PTPRG: variants seen among roughly 807,000 people sequenced by gnomAD.
PTPRG encodes receptor-type tyrosine-protein phosphatase gamma.
A neutral mutation model predicts 165.3 loss-of-function variants in PTPRG; 102 were observed. That is an observed-to-expected ratio of 0.62 (90% confidence interval 0.53 to 0.73). The LOEUF is 0.73. Among genes scored for constraint, PTPRG ranks in the 30% least tolerant of loss-of-function variants. The pLI is 0.00. For synonymous variants in PTPRG, 675 were observed against 669.5 expected (o/e 1.01, Z -0.13); for missense variants, 1,866 against 1,861.4 (o/e 1.00, Z -0.05).
intron 5 of PTPRG, among the ~76,000 whole-genome samples, chr3:62,097,903 C>T (rs1443133650): frequency 6.6e-6 from 1 of 152,038 alleles, no homozygotes; most frequent in Non-Finnish European, 1.5e-5. Flanking sequence ...TTTAAATGCA[C>T]ATTATGATGT....
At chr3:61,736,701 A>C (rs4688662) in intron 1 of PTPRG, among the ~76,000 whole-genome samples, 26,921 of 152,062 alleles carry the variant, frequency 0.18, 3,077 homozygotes, top group East Asian at 0.53. Flanking sequence ...CTTAACAATG[A>C]TTCGTCTTGA....
Position 62,267,824 on chromosome 3 carries a change from G to C in PTPRG, c.2874+5G>C. On this transcript the variant is annotated splice_donor_5th_base_variant and intron_variant, in intron 19 of 29. Transcript: ENST00000474889. The stretch of plus-strand genomic sequence containing the variant: ...AACCTTGTGGAAAAAGGAAGAGTAA[G>C]AGCCTTTTGACTCACTATCTTAATA... 6.2e-7 allele frequency: 1 copy of C among 1,611,744 alleles called. No homozygotes were observed. Among genetic ancestry groups the C allele is most frequent in the East Asian group, 2.2e-5 (1 of 44,836 alleles).
chr3:61,728,111 G>T (rs2032336791), intron 1 of PTPRG, among the ~76,000 whole-genome samples: 1 of 152,132 alleles, frequency 6.6e-6, no homozygotes, highest in Non-Finnish European at 1.5e-5. Flanking sequence ...TGCCTAGCGT[G>T]CTGGCAAAGA....
At chr3:61,893,664 T>G (rs1290111486) in intron 2 of PTPRG, among the ~76,000 whole-genome samples, 1 of 152,220 alleles carries the variant, frequency 6.6e-6, no homozygotes, top group Admixed American at 6.5e-5. Flanking sequence ...AACATTTTCT[T>G]CTAAACCATG....
intron 4 of PTPRG, among the ~76,000 whole-genome samples, chr3:62,066,132 C>A (rs1453937766): frequency 6.6e-6 from 1 of 152,188 alleles, no homozygotes; most frequent in Non-Finnish European, 1.5e-5. Flanking sequence ...CCAACTAGAT[C>A]TACACCTGTG....
At chr3:61,798,627 T>TTTG (rs1401408560) in intron 2 of PTPRG, among the ~76,000 whole-genome samples, 1 of 151,608 alleles carries the variant, frequency 6.6e-6, no homozygotes. Flanking sequence ...TGGTTTTTTT[T>TTTG]TTTTTTTTTT....
intron 28 of PTPRG, among the ~76,000 whole-genome samples, chr3:62,284,509 G>A (rs557783120): frequency 6.6e-6 from 1 of 152,240 alleles, no homozygotes; most frequent in Admixed American, 6.5e-5. Flanking sequence ...TCTACTATCT[G>A]TAGGGGATAA....
chr3:62,091,166 A>G (rs79317000), intron 5 of PTPRG, among the ~76,000 whole-genome samples: 5,238 of 152,374 alleles, frequency 0.034, 112 homozygotes, highest in Non-Finnish European at 0.055. Flanking sequence ...GTCCCAGGAC[A>G]TATATCGCTT....
In PTPRG at chr3:62,164,979, G is replaced by A. The variant is rs557997038; in HGVS notation, c.841-2992G>A. 1.7e-3 allele frequency among the ~76,000 whole-genome samples: 261 copies of A among 152,318 alleles called. 1 individual carries two copies. The highest frequency in any genetic ancestry group is 5.5e-3 in the African/African-American group (230 of 41,568). On this transcript the variant is annotated intron_variant, in intron 7 of 29. Coordinates refer to ENST00000474889, the MANE Select transcript of PTPRG (RefSeq NM_002841.4). The stretch of plus-strand genomic sequence containing the variant: ...GAAAATTTCCGGTCTAATTCACGAT[G>A]TATGGCAGCCCAGTCCATTTCTCTA...
chr3:62,270,188 A>AT (rs901122029), intron 20 of PTPRG, among the ~76,000 whole-genome samples: 64 of 147,084 alleles, frequency 4.4e-4, no homozygotes, highest in South Asian at 1.3e-3. Context: ...CAATGGGATA[A>AT]TTTTTTTTTT....
chr3:61,722,281 G>T (rs2032083325), intron 1 of PTPRG, among the ~76,000 whole-genome samples: 1 of 151,852 alleles, frequency 6.6e-6, no homozygotes, highest in Non-Finnish European at 1.5e-5. Flanking sequence ...TGTTTATAAT[G>T]AACTCTCTCC....
intron 2 of PTPRG, among the ~76,000 whole-genome samples, chr3:61,827,231 A>T (rs1269670766): frequency 6.6e-6 from 1 of 152,238 alleles, no homozygotes; most frequent in Non-Finnish European, 1.5e-5. Flanking sequence ...GCAAGAAAAC[A>T]TCTTGCTGTT....
intron 1 of PTPRG, among the ~76,000 whole-genome samples, chr3:61,681,388 C>G (rs961357291): frequency 1.3e-5 from 2 of 152,162 alleles, no homozygotes; most frequent in African/African-American, 4.8e-5. Context: ...CTGCAATCTG[C>G]ATTTTTAATT....
intron 2 of PTPRG, among the ~76,000 whole-genome samples, chr3:61,955,287 C>CT (rs976057620): frequency 1.1e-4 from 16 of 151,706 alleles, no homozygotes; most frequent in East Asian, 1.9e-4. Context: ...TGAATGGCCA[C>CT]TTTTTTTTTC....
intron 14 of PTPRG, among the ~76,000 whole-genome samples, chr3:62,243,199 T>TA (rs1045201029): frequency 3.0e-4 from 46 of 151,224 alleles, no homozygotes; most frequent in East Asian, 2.3e-3. Context: ...GAAATACAGG[T>TA]AAAAAAAACA....
intron 3 of PTPRG, among the ~76,000 whole-genome samples, chr3:61,992,790 G>A (rs919350786): frequency 6.6e-6 from 1 of 151,704 alleles, no homozygotes; most frequent in African/African-American, 2.4e-5. Context: ...CCAAAGTGCT[G>A]GGATTACAGG....
Position 61,891,976 on chromosome 3 carries a change from A to G in PTPRG, c.191-97649A>G, listed in dbSNP as rs929466988. Among the ~76,000 whole-genome samples the G allele has an allele frequency of 2.0e-5, 3 of 152,130 alleles. No homozygotes were observed. The East Asian group carries it at 5.8e-4, about 29-fold the overall frequency. On this transcript the variant is annotated intron_variant, in intron 2 of 29. Transcript: ENST00000474889. The stretch of plus-strand genomic sequence containing the variant: ...GTAAATAAATTTAATCTTTAAAATA[A>G]TTTTATAGCTGCCTTTATGAAAATA...
chr3:61,787,201 T>C (rs569223390), intron 2 of PTPRG, among the ~76,000 whole-genome samples: 243 of 152,210 alleles, frequency 1.6e-3, no homozygotes, highest in African/African-American at 5.3e-3. Context: ...CCAAATAAAG[T>C]GATTGATAAA....
intron 1 of PTPRG, among the ~76,000 whole-genome samples, chr3:61,709,002 A>G (rs1280190138): frequency 1.3e-5 from 2 of 152,282 alleles, no homozygotes; most frequent in African/African-American, 4.8e-5. Flanking sequence ...GTAAGATTAC[A>G]GTAAAAACAA....
Sources: gnomAD v4.1 joint callset for allele counts (sites outside exome capture counted in the v4.1 genomes callset) on GRCh38, gnomAD v4.1.1 for gene constraint, MANE v1.5 for transcripts, NCBI Gene and HGNC (gene_info 2026-07-23, HGNC 2026-07-21) for gene names.